Variants in CNTN4 observed in about 807,000 individuals in gnomAD.
CNTN4 encodes contactin-4.
Under a neutral mutation model 122.5 loss-of-function variants are expected in CNTN4, and 77 were observed. That is an observed-to-expected ratio of 0.63 (90% CI 0.52 to 0.76). The LOEUF is 0.76. Among genes scored for constraint, CNTN4 ranks in the 30% least tolerant of loss-of-function variants. The pLI is 0.00. For missense variants in CNTN4, 1,256 were observed against 1,259.1 expected (o/e 1.00, Z 0.04); for synonymous variants, 512 against 447.0 (o/e 1.15, Z -1.83).
At chr3:2,405,606 GATA>G (rs764429938) in intron 3 of CNTN4, among the ~76,000 whole-genome samples, 1 of 148,262 alleles carries the variant, frequency 6.7e-6, no homozygotes, top group Non-Finnish European at 1.5e-5. Context: ...TAGATAGATA[GATA>G]GATAGATAGA....
chr3:3,055,992 C>T (rs1701750869), intron 24 of CNTN4, 128 bp from the exon 25 acceptor site: 1 of 663,252 alleles, frequency 1.5e-6, no homozygotes, highest in African/African-American at 1.8e-5. Context: ...ATTTAAAAGC[C>T]ATTAAGACCT....
chr3:2,191,873 TCC>T (rs1350593672), intron 2 of CNTN4, among the ~76,000 whole-genome samples: 1 of 151,776 alleles, frequency 6.6e-6, no homozygotes, highest in African/African-American at 2.4e-5. Flanking sequence ...ATGCTATGCC[TCC>T]CCCCTCCCCC....
At chr3:2,102,829 G>T (rs1057446647) in intron 2 of CNTN4, among the ~76,000 whole-genome samples, 1 of 152,030 alleles carries the variant, frequency 6.6e-6, no homozygotes, top group Non-Finnish European at 1.5e-5. Context: ...ATTGTTGGGG[G>T]AACAACTAGC....
intron 4 of CNTN4, among the ~76,000 whole-genome samples, chr3:2,665,004 A>G (rs574616738): frequency 3.3e-5 from 5 of 152,286 alleles, no homozygotes; most frequent in African/African-American, 1.2e-4. Context: ...ACCAATAACA[A>G]CCATTCTTCA....
At chr3:3,005,410 G>C (rs1402227679) in intron 14 of CNTN4, among the ~76,000 whole-genome samples, 1 of 152,118 alleles carries the variant, frequency 6.6e-6, no homozygotes, top group Non-Finnish European at 1.5e-5. Flanking sequence ...TCCAAACTTT[G>C]CTTAGAAATC....
intron 4 of CNTN4, among the ~76,000 whole-genome samples, chr3:2,636,716 A>C (rs1048484775): frequency 5.3e-5 from 8 of 152,276 alleles, no homozygotes; most frequent in African/African-American, 1.7e-4. Flanking sequence ...GAGGTAGATA[A>C]ATTTTTATAA....
At chr3:2,939,638 A>G (rs2094595833) in intron 13 of CNTN4, among the ~76,000 whole-genome samples, 1 of 152,224 alleles carries the variant, frequency 6.6e-6, no homozygotes, top group African/African-American at 2.4e-5. Context: ...ATGTGATGGG[A>G]TGTATTCCTC....
chr3:2,140,691 T>A (rs2034948670), intron 2 of CNTN4, among the ~76,000 whole-genome samples: 1 of 152,184 alleles, frequency 6.6e-6, no homozygotes, highest in African/African-American at 2.4e-5. Flanking sequence ...ACATAAACAT[T>A]CAGACCATAG....
intron 2 of CNTN4, among the ~76,000 whole-genome samples, chr3:2,296,786 T>C (rs1016624862): frequency 7.8e-6 from 1 of 127,564 alleles, no homozygotes; most frequent in African/African-American, 2.9e-5. Context: ...CACCCTTTGC[T>C]CTGAAAAAAA....
chr3:2,310,922 C>T (rs2042892141), intron 2 of CNTN4, among the ~76,000 whole-genome samples: 3 of 152,136 alleles, frequency 2.0e-5, no homozygotes, highest in Admixed American at 1.3e-4. Context: ...TCTTTCAAAG[C>T]AGTAGATGTG....
intron 14 of CNTN4, among the ~76,000 whole-genome samples, chr3:3,024,401 A>AC (rs1306299946): frequency 3.3e-5 from 5 of 150,594 alleles, no homozygotes; most frequent in Non-Finnish European, 5.9e-5. Context: ...AAAAAAAAAA[A>AC]AAAAAAACAA....
At position 3,037,323 on chromosome 3, in the gene CNTN4, A is replaced by G; in HGVS notation, c.2087A>G (p.Glu696Gly). 1.2e-6 allele frequency: 2 copies of G among 1,614,166 alleles called. No homozygotes were observed. Among genetic ancestry groups the G allele is most frequent in the Non-Finnish European group, 1.7e-6 (2 of 1,180,024 alleles). Residue 696 changes from glutamate (E) to glycine (G), a missense_variant, in exon 18 of 25, where the codon GAA (glutamate) becomes GGA (glycine). Glu to Gly is a moderately conservative substitution (Grantham distance 98, BLOSUM62 -2). Coordinates refer to ENST00000418658, the MANE Select transcript of CNTN4 (RefSeq NM_175607.3). Reference protein sequence around the residue: ...SRPSEKRRTEEALPEVTPANV... With the variant: ...SRPSEKRRTEGALPEVTPANV... ...CCCTCAGAGAAACGGAGAACAGAAG[A>G]AGCTCGTGAGTAGCACCCGAGATTC...
At chr3:2,677,648 T>A (rs190510031) in intron 4 of CNTN4, among the ~76,000 whole-genome samples, 10 of 152,092 alleles carry the variant, frequency 6.6e-5, no homozygotes, top group Admixed American at 5.2e-4. Flanking sequence ...TCATTGTGAG[T>A]TTTTGTTTTA....
chr3:2,340,478 A>G (rs2044140758), intron 3 of CNTN4, among the ~76,000 whole-genome samples: 1 of 151,470 alleles, frequency 6.6e-6, no homozygotes, highest in South Asian at 2.1e-4. Flanking sequence ...CAGTTAAAAA[A>G]AATAATAATC....
chr3:2,736,064 A>G, intron 4 of CNTN4, 151 bp from the exon 5 acceptor site: 1 of 821,780 alleles, frequency 1.2e-6, no homozygotes, highest in Non-Finnish European at 2.1e-6. Flanking sequence ...CTTCAATGGG[A>G]AATTTTCTTC....
At chr3:2,365,590 T>C (rs932935098) in intron 3 of CNTN4, among the ~76,000 whole-genome samples, 9 of 152,262 alleles carry the variant, frequency 5.9e-5, no homozygotes, top group African/African-American at 2.2e-4. Context: ...CATATATTTC[T>C]ATCTTACGTT....
At chr3:2,552,581 C>T (rs1015140166) in intron 3 of CNTN4, among the ~76,000 whole-genome samples, 4 of 152,098 alleles carry the variant, frequency 2.6e-5, no homozygotes, top group Non-Finnish European at 1.5e-5. Flanking sequence ...ACAAGTAGCA[C>T]TGGAAAGGCA....
At chr3:2,163,157 G>C (rs554257379) in intron 2 of CNTN4, among the ~76,000 whole-genome samples, 2 of 152,294 alleles carry the variant, frequency 1.3e-5, no homozygotes, top group East Asian at 3.9e-4. Flanking sequence ...AAATAGCCAA[G>C]TAAACCAGTG....
intron 3 of CNTN4, among the ~76,000 whole-genome samples, chr3:2,368,049 T>G (rs1004618662): frequency 2.6e-5 from 3 of 117,042 alleles, no homozygotes; most frequent in African/African-American, 9.5e-5. Flanking sequence ...TTTTTTTTTT[T>G]TGAGGTGGAG....
Sources: allele counts gnomAD v4.1 joint callset (sites outside exome capture counted in the v4.1 genomes callset), GRCh38; gene constraint gnomAD v4.1.1; transcripts MANE v1.5; gene names NCBI Gene and HGNC (gene_info 2026-07-23, HGNC 2026-07-21).